The following SLC2A13 variants were observed in gnomAD, a reference collection of about 807,000 sequenced individuals.
The protein encoded by SLC2A13 is proton myo-inositol cotransporter.
SLC2A13 carries 32 observed loss-of-function variants against 64.4 expected under a neutral mutation model. The ratio of observed to expected loss-of-function variants is 0.50; its 90% CI spans 0.37 to 0.67. SLC2A13 has a LOEUF of 0.67. Ranked by LOEUF, SLC2A13 falls within the 30% of genes least tolerant of loss-of-function variation. SLC2A13 has a pLI of 0.00. For missense variants in SLC2A13, 743 were observed against 829.2 expected, an observed-to-expected ratio of 0.90 and a Z score of 1.28; for synonymous variants, 338 against 327.1, an observed-to-expected ratio of 1.03 and a Z score of -0.36.
chr12:39,936,774 G>C (rs1945925117), intron 4 of SLC2A13, among the ~76,000 whole-genome samples: 1 of 152,152 alleles, frequency 6.6e-6, no homozygotes, highest in Admixed American at 6.5e-5. Flanking sequence ...AGGATTATAA[G>C]GGGAGGGGCA....
chr12:39,976,483 T>C (rs1384709630), intron 3 of SLC2A13, among the ~76,000 whole-genome samples: 1 of 152,238 alleles, frequency 6.6e-6, no homozygotes, highest in East Asian at 1.9e-4. Context: ...CCACGATTCA[T>C]TTGAAATTAG....
intron 4 of SLC2A13, among the ~76,000 whole-genome samples, chr12:39,888,061 T>C (rs1029533626): frequency 5.3e-5 from 8 of 152,200 alleles, no homozygotes; most frequent in Admixed American, 2.0e-4. Flanking sequence ...AACTGACAGA[T>C]TGATTGCACT....
At chr12:39,880,085 C>T (rs748561797) in intron 4 of SLC2A13, among the ~76,000 whole-genome samples, 5 of 152,114 alleles carry the variant, frequency 3.3e-5, no homozygotes, top group African/African-American at 9.7e-5. Context: ...TGCCATGTGA[C>T]GTGACTGCTC....
chr12:39,781,093 CT>C (rs958295550), intron 7 of SLC2A13, among the ~76,000 whole-genome samples: 12 of 151,894 alleles, frequency 7.9e-5, no homozygotes, highest in Admixed American at 5.2e-4. Flanking sequence ...CTGCAATTGC[CT>C]TTTTTTTACT....
At chr12:39,827,288 T>C (rs1378849357) in intron 7 of SLC2A13, among the ~76,000 whole-genome samples, 1 of 152,180 alleles carries the variant, frequency 6.6e-6, no homozygotes, top group African/African-American at 2.4e-5. Flanking sequence ...CTCTTGGTTT[T>C]GCTTTTTCAT....
rs767715956 is a variant in SLC2A13, at chr12:39,897,835, TA to T, written c.1035-25875del. 6.9e-4 allele frequency among the ~76,000 whole-genome samples: 105 copies of T among 152,260 alleles called. No individual in the cohort carries two copies. In the Middle Eastern group the frequency reaches 0.017, roughly 25 times the overall value. On this transcript the variant is annotated intron_variant, in intron 4 of 9. Coordinates refer to ENST00000280871, the MANE Select transcript of SLC2A13 (RefSeq NM_052885.4). ...AAGACTTTTTTCTATAATATTTTCA[TA>T]AATCACAAAATGTATATGTGCATAT...
At chr12:39,779,902 A>C (rs11173541) in intron 7 of SLC2A13, among the ~76,000 whole-genome samples, 20,380 of 152,294 alleles carry the variant, frequency 0.13, 1,643 homozygotes, top group East Asian at 0.39. Context: ...GTGCCTGAGA[A>C]TGAATGCAAG....
intron 3 of SLC2A13, among the ~76,000 whole-genome samples, chr12:39,980,350 T>A (rs903397646): frequency 3.4e-4 from 51 of 152,134 alleles, no homozygotes; most frequent in African/African-American, 1.1e-3. Context: ...AAATGGACTA[T>A]ATTCTCCAAT....
chr12:39,819,259 T>C lies in SLC2A13; in HGVS notation c.1445+10844A>G, dbSNP rs377694803. 2.0e-3 allele frequency among the ~76,000 whole-genome samples: 312 copies of C among 152,282 alleles called. 3 individuals carry two copies. In the South Asian group the frequency reaches 0.026, roughly 13 times the overall value. ...AGCCTAAAAATGTCACAAAATAAATTCATGGTTTACAAATATTTTTATCGT... is the reference window on the plus strand; with the variant it reads ...AGCCTAAAAATGTCACAAAATAAATCCATGGTTTACAAATATTTTTATCGT... On this transcript the variant is annotated intron_variant, in intron 7 of 9. Coordinates refer to ENST00000280871, the MANE Select transcript of SLC2A13 (RefSeq NM_052885.4).
At chr12:40,097,103 G>A (rs1475000116) in intron 1 of SLC2A13, among the ~76,000 whole-genome samples, 4 of 152,092 alleles carry the variant, frequency 2.6e-5, no homozygotes, top group African/African-American at 9.7e-5. Context: ...TTACTGAGGT[G>A]AATGCAAACA....
intron 3 of SLC2A13, among the ~76,000 whole-genome samples, chr12:39,989,073 C>CA (rs1309739071): frequency 6.6e-6 from 1 of 152,158 alleles, no homozygotes; most frequent in Non-Finnish European, 1.5e-5. Flanking sequence ...TCTGCTGTGT[C>CA]AGTCCTCTAC....
At chr12:40,073,462 T>TGA (rs1938042134) in intron 1 of SLC2A13, among the ~76,000 whole-genome samples, 1 of 152,166 alleles carries the variant, frequency 6.6e-6, no homozygotes, top group South Asian at 2.1e-4. Context: ...CTCAGATCAA[T>TGA]GATTAATTAA....
At chr12:40,095,801 T>C (rs1199121680) in intron 1 of SLC2A13, among the ~76,000 whole-genome samples, 3 of 152,232 alleles carry the variant, frequency 2.0e-5, no homozygotes, top group Non-Finnish European at 4.4e-5. Context: ...GAATGAAGCA[T>C]GTTAAACATG....
At chr12:39,792,802 T>TG (rs1434930403) in intron 7 of SLC2A13, among the ~76,000 whole-genome samples, 2 of 17,726 alleles carry the variant, frequency 1.1e-4, no homozygotes, top group Non-Finnish European at 2.9e-4. Context: ...CTGTATTTAA[T>TG]GAAAAAAAAA....
chr12:39,925,621 G>A (rs1484659493), intron 4 of SLC2A13, among the ~76,000 whole-genome samples: 1 of 151,982 alleles, frequency 6.6e-6, no homozygotes, highest in Non-Finnish European at 1.5e-5. Flanking sequence ...AGGAAGCTAT[G>A]GTTCAGAAAC....
intron 1 of SLC2A13, among the ~76,000 whole-genome samples, chr12:40,075,787 T>C (rs748461675): frequency 1.1e-4 from 17 of 152,188 alleles, no homozygotes; most frequent in Non-Finnish European, 4.4e-5. Context: ...TCATTTTTTT[T>C]CCATTTTCCC....
chr12:40,102,541 G>A (rs1026062351), intron 1 of SLC2A13, among the ~76,000 whole-genome samples: 22 of 152,018 alleles, frequency 1.4e-4, no homozygotes, highest in African/African-American at 3.4e-4. Context: ...CACATGGGCC[G>A]TATATTTTAC....
At chr12:39,935,883 T>A (rs916795197) in intron 4 of SLC2A13, among the ~76,000 whole-genome samples, 14 of 152,208 alleles carry the variant, frequency 9.2e-5, no homozygotes, top group Non-Finnish European at 1.6e-4. Context: ...ATACATCTCA[T>A]CTTTGTGCCT....
At chr12:40,072,061 A>C (rs1303740621) in intron 1 of SLC2A13, among the ~76,000 whole-genome samples, 1 of 152,052 alleles carries the variant, frequency 6.6e-6, no homozygotes, top group East Asian at 1.9e-4. Flanking sequence ...AAATACTATA[A>C]ATTTAAAAGC....
Sources: allele counts gnomAD v4.1 joint callset (sites outside exome capture counted in the v4.1 genomes callset), GRCh38; gene constraint gnomAD v4.1.1; transcripts MANE v1.5; gene names NCBI Gene and HGNC (gene_info 2026-07-23, HGNC 2026-07-21).